GALNT18: variants seen among roughly 807,000 people sequenced by gnomAD.
GALNT18 encodes the protein polypeptide N-acetylgalactosaminyltransferase 18.
A neutral mutation model predicts 69.5 loss-of-function variants in GALNT18; 44 were observed. That is an observed-to-expected ratio of 0.63 (90% CI 0.50 to 0.81). GALNT18 has a LOEUF of 0.81. Ranked by LOEUF, GALNT18 falls within the 40% of genes least tolerant of loss-of-function variation. The pLI, the probability that GALNT18 is intolerant of heterozygous loss-of-function variation, is 0.00. For synonymous variants in GALNT18, 364 were observed against 318.2 expected (o/e 1.14, Z -1.53); for missense variants, 715 against 810.0 (o/e 0.88, Z 1.42).
intron 1 of GALNT18, among the ~76,000 whole-genome samples, chr11:11,553,134 T>C (rs2133971810): frequency 6.6e-6 from 1 of 152,322 alleles, no homozygotes; most frequent in Middle Eastern, 3.4e-3. Flanking sequence ...AAGCAGAAAC[T>C]CTGGGGTGTG....
At position 11,290,980 on chromosome 11, in the gene GALNT18, G is replaced by C. The variant is rs570255047; in HGVS notation, c.1677+2049C>G. Among the ~76,000 whole-genome samples the C allele has an allele frequency of 2.0e-5, 3 of 152,256 alleles. No homozygotes were observed. The South Asian group carries it at 6.2e-4, about 32-fold the overall frequency. ...TACAAGCCTACTTTGCACCCAGCTC[G>C]ACTTGAGAAACAACAGCCATCCTTC... On this transcript the variant is annotated intron_variant, in intron 10 of 10. Coordinates refer to ENST00000227756, the MANE Select transcript of GALNT18 (RefSeq NM_198516.3).
At chr11:11,473,592 T>C (rs1306960633) in intron 1 of GALNT18, among the ~76,000 whole-genome samples, 1 of 152,236 alleles carries the variant, frequency 6.6e-6, no homozygotes, top group African/African-American at 2.4e-5. Context: ...TTCAGCATCC[T>C]GAGTGCCTTC....
rs906378763 is a variant in GALNT18 at position 11,470,974 on chromosome 11, C to G, written c.236-22038G>C. Among the ~76,000 whole-genome samples the G allele has an allele frequency of 2.0e-5, 3 of 152,164 alleles. No homozygotes were observed. Among genetic ancestry groups the G allele is most frequent in the Non-Finnish European group, 4.4e-5 (3 of 68,028 alleles). ...TTTCTCCCCATTCATACTCAGGGGC[C>G]CGGGCACATCAATATCCCTCTTTCT... On this transcript the variant is annotated intron_variant, in intron 1 of 10. Transcript: ENST00000227756. This position sits in a 1 kb window ranked among gnomAD's most constrained non-coding sequence, Gnocchi z 4.8.
intron 1 of GALNT18, among the ~76,000 whole-genome samples, chr11:11,468,358 A>G (rs1247899396): frequency 2.0e-5 from 3 of 152,228 alleles, no homozygotes; most frequent in African/African-American, 7.2e-5. Context: ...AAGTCTGTCA[A>G]GGACACAGGC....
chr11:11,448,336 G>T (rs1460157237), intron 2 of GALNT18, among the ~76,000 whole-genome samples: 2 of 152,184 alleles, frequency 1.3e-5, no homozygotes, highest in African/African-American at 2.4e-5. Context: ...GAGAAGTCAA[G>T]ACAGACTTCT....
chr11:11,531,932 G>A (rs1857659364), intron 1 of GALNT18, among the ~76,000 whole-genome samples: 1 of 152,178 alleles, frequency 6.6e-6, no homozygotes, highest in Non-Finnish European at 1.5e-5. Context: ...ACGTGTGTGT[G>A]AGTGCAGGTA....
chr11:11,390,729 C>T (rs1854167397), intron 3 of GALNT18, among the ~76,000 whole-genome samples: 1 of 152,124 alleles, frequency 6.6e-6, no homozygotes, highest in East Asian at 1.9e-4. Flanking sequence ...GGGAGGGGTC[C>T]CATGAAGGAC....
intron 1 of GALNT18, among the ~76,000 whole-genome samples, chr11:11,569,463 T>C (rs1315107903): frequency 9.9e-6 from 1 of 101,478 alleles, no homozygotes; most frequent in Non-Finnish European, 2.0e-5. Context: ...CCATCTCATG[T>C]TTATCACATC....
At chr11:11,575,783 A>G (rs1425039565) in intron 1 of GALNT18, among the ~76,000 whole-genome samples, 4 of 152,196 alleles carry the variant, frequency 2.6e-5, no homozygotes, top group African/African-American at 7.2e-5. Context: ...AGAAGGGAGG[A>G]AGGAGGGGAG....
intron 3 of GALNT18, among the ~76,000 whole-genome samples, chr11:11,431,654 C>T (rs747137971): frequency 2.8e-4 from 43 of 152,146 alleles, no homozygotes; most frequent in Admixed American, 3.3e-4. Flanking sequence ...AAATACATTT[C>T]AATTATCCAA....
rs1028866611 is a variant in GALNT18 at position 11,469,906 on chromosome 11, G to T, written c.236-20970C>A. On this transcript the variant is annotated intron_variant, in intron 1 of 10. Transcript: ENST00000227756. This position sits in a 1 kb window ranked among gnomAD's most constrained non-coding sequence, Gnocchi z 4.2. The stretch of plus-strand genomic sequence containing the variant: ...TTTAAGGACATAGTCATTCCATCAG[G>T]CCCCCAGAACAGGGTCCCTAGTCAC... Among the ~76,000 whole-genome samples the T allele has an allele frequency of 1.3e-5, 2 of 152,118 alleles. No homozygotes were observed. Among genetic ancestry groups the T allele is most frequent in the African/African-American group, 4.8e-5 (2 of 41,416 alleles).
intron 1 of GALNT18, among the ~76,000 whole-genome samples, chr11:11,489,089 G>A (rs1856704772): frequency 6.6e-6 from 1 of 152,238 alleles, no homozygotes; most frequent in Non-Finnish European, 1.5e-5. Flanking sequence ...TGGAAAGAAA[G>A]TGACTTGGTA....
chr11:11,371,820 G>C (rs1329094116), intron 6 of GALNT18, among the ~76,000 whole-genome samples: 2 of 152,178 alleles, frequency 1.3e-5, no homozygotes, highest in Admixed American at 1.3e-4. Context: ...ATAGATTTAT[G>C]TTTTCACCGG....
intron 6 of GALNT18, among the ~76,000 whole-genome samples, chr11:11,365,471 C>A (rs1320833890): frequency 6.6e-6 from 1 of 152,092 alleles, no homozygotes; most frequent in Non-Finnish European, 1.5e-5. Flanking sequence ...GTACATGAGT[C>A]TTTATAGTAG....
intron 1 of GALNT18, among the ~76,000 whole-genome samples, chr11:11,503,850 C>T (rs1857019859): frequency 6.6e-6 from 1 of 152,140 alleles, no homozygotes; most frequent in Non-Finnish European, 1.5e-5. Context: ...AAGTTTAGCA[C>T]CCCCATACAG....
chr11:11,414,990 A>G lies in GALNT18; in HGVS notation c.595+17631T>C, dbSNP rs532969956. On this transcript the variant is annotated intron_variant, in intron 3 of 10. Coordinates refer to ENST00000227756, the MANE Select transcript of GALNT18 (RefSeq NM_198516.3). ...TTTGAGATTGACTCGTTGTTGGCAC[A>G]ATTCGTTTCCTCGCAGTTGTAGGAC... Among the ~76,000 whole-genome samples the G allele has an allele frequency of 7.4e-4, 113 of 152,308 alleles. 1 individual carries two copies. The highest frequency in any genetic ancestry group is 2.7e-3 in the African/African-American group (112 of 41,566).
At chr11:11,343,462 G>A (rs145399662) in intron 6 of GALNT18, among the ~76,000 whole-genome samples, 3 of 152,258 alleles carry the variant, frequency 2.0e-5, no homozygotes, top group South Asian at 2.1e-4. Flanking sequence ...GAAACTCAAC[G>A]AAGAGCCAAC....
At chr11:11,317,210 C>T (rs1158770594) in intron 9 of GALNT18, among the ~76,000 whole-genome samples, 2 of 152,226 alleles carry the variant, frequency 1.3e-5, no homozygotes, top group Non-Finnish European at 2.9e-5. Context: ...TTCTCCTATC[C>T]AAGGCCTTCT....
intron 5 of GALNT18, among the ~76,000 whole-genome samples, chr11:11,374,003 C>G (rs1241777682): frequency 1.3e-5 from 2 of 152,186 alleles, no homozygotes; most frequent in African/African-American, 4.8e-5. Context: ...TTTTGCAGGT[C>G]ATTTCCCTGG....
Sources: allele counts gnomAD v4.1 joint callset (sites outside exome capture counted in the v4.1 genomes callset), GRCh38; gene constraint gnomAD v4.1.1; non-coding constraint Gnocchi (gnomAD v3.1); transcripts MANE v1.5; gene names NCBI Gene and HGNC (gene_info 2026-07-23, HGNC 2026-07-21).